DLGAP2: variants seen among roughly 807,000 people sequenced by gnomAD.
The protein encoded by DLGAP2 is DLG associated protein 2.
In DLGAP2, 26 loss-of-function variants were observed where a neutral mutation model predicts 100.3. That is an observed-to-expected ratio of 0.26 (90% CI 0.19 to 0.36). The LOEUF (loss-of-function observed/expected upper bound fraction) is 0.36, where lower values mean the gene tolerates loss of function less well. Ranked by LOEUF, DLGAP2 falls within the 10% of genes least tolerant of loss-of-function variation. The pLI is 1.00. For synonymous variants in DLGAP2, 886 were observed against 630.1 expected, an observed-to-expected ratio of 1.41 and a Z score of -6.08; for missense variants, 1,858 against 1,453.2, an observed-to-expected ratio of 1.28 and a Z score of -4.53.
intron 1 of DLGAP2, among the ~76,000 whole-genome samples, chr8:797,836 C>T (rs1367732847): frequency 2.0e-5 from 3 of 152,192 alleles, no homozygotes; most frequent in Non-Finnish European, 4.4e-5. Context: ...CTGCAACCTC[C>T]GCCTCCCAGG....
chr8:1,201,089 G>A (rs1357021027), intron 2 of DLGAP2, among the ~76,000 whole-genome samples: 3 of 152,202 alleles, frequency 2.0e-5, no homozygotes, highest in Non-Finnish European at 4.4e-5. Context: ...GACCAGCACT[G>A]GGGAGGCTGC....
At chr8:1,068,410 C>G (rs932960208) in intron 2 of DLGAP2, among the ~76,000 whole-genome samples, 3 of 152,188 alleles carry the variant, frequency 2.0e-5, no homozygotes, top group African/African-American at 7.2e-5. Context: ...GTTGTTCACC[C>G]CCCACAGTGG....
intron 2 of DLGAP2, among the ~76,000 whole-genome samples, chr8:1,007,220 T>C (rs6994779): frequency 0.54 from 82,079 of 151,870 alleles, 22,352 homozygotes; most frequent in African/African-American, 0.58. Context: ...TCTCAAGTCT[T>C]AGGATACGGT....
chr8:815,360 T>A (rs1271984895), intron 1 of DLGAP2, among the ~76,000 whole-genome samples: 2 of 152,216 alleles, frequency 1.3e-5, no homozygotes, highest in Non-Finnish European at 2.9e-5. Context: ...CCTTAGCCCA[T>A]CTGTGGAGGC....
chr8:1,570,557 A>C (rs1482345208), intron 6 of DLGAP2, among the ~76,000 whole-genome samples: 1 of 152,236 alleles, frequency 6.6e-6, no homozygotes, highest in Non-Finnish European at 1.5e-5. Flanking sequence ...TGGATTTCAC[A>C]TGTTCACCAC....
intron 3 of DLGAP2, among the ~76,000 whole-genome samples, chr8:1,414,145 A>T (rs1030418839): frequency 6.6e-6 from 1 of 152,306 alleles, no homozygotes; most frequent in East Asian, 1.9e-4. Flanking sequence ...TGAAGTGTTC[A>T]GGGTTGGGGG....
chr8:937,932 C>T (rs1002728093), intron 2 of DLGAP2, among the ~76,000 whole-genome samples: 3 of 152,104 alleles, frequency 2.0e-5, no homozygotes, highest in Admixed American at 2.0e-4. Flanking sequence ...GTGTCCATCC[C>T]GGCCTTTCTG....
At chr8:848,315 G>A (rs1353624507) in intron 1 of DLGAP2, among the ~76,000 whole-genome samples, 2 of 152,070 alleles carry the variant, frequency 1.3e-5, no homozygotes, top group African/African-American at 2.4e-5. Context: ...GCCTGTTCCA[G>A]TATAGGATCG....
intron 3 of DLGAP2, among the ~76,000 whole-genome samples, chr8:1,311,968 C>T (rs1315726259): frequency 6.6e-6 from 1 of 152,206 alleles, no homozygotes; most frequent in Non-Finnish European, 1.5e-5. Flanking sequence ...TTTTGAGTGT[C>T]TGCTCTCAGT....
chr8:1,298,985 G>A (rs773417850), intron 3 of DLGAP2, among the ~76,000 whole-genome samples: 21 of 152,136 alleles, frequency 1.4e-4, no homozygotes, highest in Non-Finnish European at 2.1e-4. Flanking sequence ...CGTGCTGAAT[G>A]ACCCAAAGGG....
At chr8:1,094,679 G>A (rs534868200) in intron 2 of DLGAP2, among the ~76,000 whole-genome samples, 93 of 152,328 alleles carry the variant, frequency 6.1e-4, no homozygotes, top group Non-Finnish European at 9.3e-4. Flanking sequence ...TCTGTTTTGT[G>A]TCTTTATTGA....
At chr8:1,372,829 A>G (rs947437701) in intron 3 of DLGAP2, among the ~76,000 whole-genome samples, 1 of 152,234 alleles carries the variant, frequency 6.6e-6, no homozygotes, top group Non-Finnish European at 1.5e-5. Flanking sequence ...ATACAGCCAC[A>G]TCAAATTCAT....
intron 3 of DLGAP2, among the ~76,000 whole-genome samples, chr8:1,333,722 C>T (rs1424274930): frequency 6.6e-6 from 1 of 152,230 alleles, no homozygotes; most frequent in Non-Finnish European, 1.5e-5. Flanking sequence ...GTCTCAAATT[C>T]AGTTTCATAT....
In DLGAP2 at chr8:1,549,383, G is replaced by C; in HGVS notation, c.930G>C (p.Arg310=). The C allele has an allele frequency of 6.2e-7, 1 of 1,613,476 alleles. No homozygotes were observed. Among genetic ancestry groups the C allele is most frequent in the East Asian group, 2.2e-5 (1 of 44,862 alleles). Residue 310 remains arginine (R), a synonymous_variant, in exon 5 of 15, where the codon CGG becomes CGC. Transcript: ENST00000637795. ...ACCTGGACAGCGACAGCACCTATCGGACGCCCAGCGTGCTCAACCGGCACC... is the reference window on the plus strand; with the variant it reads ...ACCTGGACAGCGACAGCACCTATCGCACGCCCAGCGTGCTCAACCGGCACC... ...DDNLDSDSTY[R]TPSVLNRHHL...
intron 1 of DLGAP2, among the ~76,000 whole-genome samples, chr8:898,472 C>T (rs1175919666): frequency 6.6e-6 from 1 of 152,228 alleles, no homozygotes; most frequent in Non-Finnish European, 1.5e-5. Context: ...GCAGGGCACA[C>T]ATCCAAAGCC....
At chr8:1,005,259 G>GT (rs1378309876) in intron 2 of DLGAP2, among the ~76,000 whole-genome samples, 1 of 152,158 alleles carries the variant, frequency 6.6e-6, no homozygotes, top group Non-Finnish European at 1.5e-5. Flanking sequence ...TGGAGCTTGT[G>GT]TTCTTGGAGT....
At chr8:842,016 C>T (rs1796992408) in intron 1 of DLGAP2, among the ~76,000 whole-genome samples, 1 of 152,144 alleles carries the variant, frequency 6.6e-6, no homozygotes, top group Admixed American at 6.5e-5. Context: ...ACGGAAGACA[C>T]CAAGTACCTT....
At chr8:1,166,183 T>A (rs1399324243) in intron 2 of DLGAP2, among the ~76,000 whole-genome samples, 1 of 152,220 alleles carries the variant, frequency 6.6e-6, no homozygotes, top group Non-Finnish European at 1.5e-5. Context: ...TTACAGCGTC[T>A]GAATTTATTT....
intron 2 of DLGAP2, among the ~76,000 whole-genome samples, chr8:1,189,701 C>T (rs186922171): frequency 6.6e-6 from 1 of 151,652 alleles, no homozygotes. Context: ...AGGAAGTTTA[C>T]AGTTTGTAAT....
Sources: allele counts gnomAD v4.1 joint callset (sites outside exome capture counted in the v4.1 genomes callset), GRCh38; gene constraint gnomAD v4.1.1; transcripts MANE v1.5; gene names NCBI Gene and HGNC (gene_info 2026-07-23, HGNC 2026-07-21).